CCDC158: variants seen among roughly 807,000 people sequenced by gnomAD.
CCDC158 encodes the protein coiled-coil domain containing 158, also known as coiled-coil domain-containing protein 158.
CCDC158 carries 116 observed loss-of-function variants against 138.6 expected under a neutral mutation model. The ratio of observed to expected loss-of-function variants is 0.84; its 90% CI spans 0.72 to 0.98. The LOEUF (loss-of-function observed/expected upper bound fraction) is 0.98. Among genes scored for constraint, CCDC158 ranks in the 50% least tolerant of loss-of-function variants. The pLI is 0.00. For synonymous variants in CCDC158, 436 were observed against 442.4 expected, an observed-to-expected ratio of 0.99 and a Z score of 0.18; for missense variants, 1,265 against 1,306.1, an observed-to-expected ratio of 0.97 and a Z score of 0.48.
rs559418697 is a variant in CCDC158, at chr4:76,322,271, C to G, written c.3277+1031G>C. The stretch of plus-strand genomic sequence containing the variant: ...TGGAATTTTCTTCAACAACAATTTG[C>G]TAAAGCCTTACTATATTAAAAACAT... On this transcript the variant is annotated intron_variant, in intron 24 of 24. Transcript: ENST00000682701. Among the ~76,000 whole-genome samples the G allele has an allele frequency of 1.4e-3, 206 of 152,246 alleles. 4 individuals are homozygous for G. The South Asian group carries it at 0.039, about 29-fold the overall frequency.
chr4:76,377,759 C>A (rs567327493), intron 9 of CCDC158, among the ~76,000 whole-genome samples: 1 of 152,234 alleles, frequency 6.6e-6, no homozygotes, highest in South Asian at 2.1e-4. Context: ...TAAGGTTGCT[C>A]AGAGGCGGCA....
At chr4:76,409,675 C>CA (rs1729132699) in intron 2 of CCDC158, among the ~76,000 whole-genome samples, 1 of 151,694 alleles carries the variant, frequency 6.6e-6, no homozygotes, top group Non-Finnish European at 1.5e-5. Context: ...ACTAAAAATA[C>CA]AAAAAATTAG....
chr4:76,394,850 T>C (rs1429522739), intron 4 of CCDC158, among the ~76,000 whole-genome samples: 1 of 151,884 alleles, frequency 6.6e-6, no homozygotes, highest in East Asian at 1.9e-4. Flanking sequence ...GCAGGAGTCT[T>C]TGGAAAAGAG....
intron 1 of CCDC158, among the ~76,000 whole-genome samples, chr4:76,416,611 G>A (rs1199905138): frequency 9.8e-5 from 15 of 152,308 alleles, no homozygotes; most frequent in Admixed American, 6.5e-4. Flanking sequence ...TAGGGACTTC[G>A]TGCCCTGTGT....
chr4:76,409,003 A>G (rs1235964658), intron 2 of CCDC158, among the ~76,000 whole-genome samples: 1 of 152,180 alleles, frequency 6.6e-6, no homozygotes, highest in Non-Finnish European at 1.5e-5. Context: ...GTGTCTGTTC[A>G]TATCCTTTGC....
chr4:76,369,857 T>C (rs1279564412), intron 10 of CCDC158, among the ~76,000 whole-genome samples: 2 of 152,166 alleles, frequency 1.3e-5, no homozygotes, highest in African/African-American at 4.8e-5. Flanking sequence ...TCAAATAATA[T>C]ACAATGAAAA....
chr4:76,313,097 CAG>C lies in CCDC158; in HGVS notation c.*71_*72del, dbSNP rs997151825. The C allele has an allele frequency of 4.6e-6, 4 of 861,928 alleles. No homozygotes were observed. In the African/African-American group the frequency reaches 6.9e-5, roughly 15 times the overall value. The allele number at this position is 861,928 out of a possible 1,614,324, so 53.4% of individuals were successfully genotyped here. ...TTTTCACATAAAAAGAAAAAGTACA[CAG>C]GGCACTAATTACGAGTAACACCACA... On this transcript the variant is annotated 3_prime_UTR_variant, in exon 25 of 25. Coordinates refer to ENST00000682701, the MANE Select transcript of CCDC158 (RefSeq NM_001394954.1).
chr4:76,345,269 C>T (rs1722434523), intron 18 of CCDC158: 2 of 938,958 alleles, frequency 2.1e-6, no homozygotes, highest in South Asian at 2.6e-5. Context: ...AACGATACTA[C>T]ATGCTCAACA....
rs761913201 is a variant in CCDC158, at chr4:76,383,710, G to T, written c.755C>A (p.Ser252Tyr). ...PVEDQLEALKSESQNKIELLL... is the reference protein window; with the variant it reads ...PVEDQLEALKYESQNKIELLL... ...TAGTTCTATTTTGTTCTGTGATTCAGATTTCAGTGCTTCAAGTTGATCCTC... is the reference window on the plus strand; with the variant it reads ...TAGTTCTATTTTGTTCTGTGATTCATATTTCAGTGCTTCAAGTTGATCCTC... Residue 252 changes from serine to tyrosine, a missense_variant, in exon 7 of 25, where the codon TCT becomes TAT. Physicochemically the swap from Ser to Tyr is moderately radical, Grantham distance 144. Coordinates refer to ENST00000682701, the MANE Select transcript of CCDC158 (RefSeq NM_001394954.1). The T allele has an allele frequency of 6.2e-7, 1 of 1,613,460 alleles. No homozygotes were observed. The highest frequency in any genetic ancestry group is 2.2e-5 in the East Asian group (1 of 44,844).
At chr4:76,347,473 C>T (rs572365845) in intron 18 of CCDC158, among the ~76,000 whole-genome samples, 4 of 152,144 alleles carry the variant, frequency 2.6e-5, no homozygotes, top group South Asian at 2.1e-4. Flanking sequence ...AAACAAACAC[C>T]GCATGTTCTC....
chr4:76,392,705 T>C (rs1317138972), intron 4 of CCDC158, among the ~76,000 whole-genome samples: 4 of 152,006 alleles, frequency 2.6e-5, no homozygotes, highest in African/African-American at 9.7e-5. Context: ...AATATCCTTG[T>C]TTCCAGATGA....
rs1460342691 is a variant in CCDC158 at position 76,398,984 on chromosome 4, G to A, written c.71-2498C>T. 3.0e-4 allele frequency among the ~76,000 whole-genome samples: 45 copies of A among 152,130 alleles called. 1 individual carries two copies. Among genetic ancestry groups the A allele is most frequent in the Admixed American group, 2.9e-3 (45 of 15,268 alleles). Reference sequence around the variant, plus strand: ...AGGACAACTGGAGAAATTTAAATATGAACACATTAGATAATACTGTATTGA... The same window carrying A: ...AGGACAACTGGAGAAATTTAAATATAAACACATTAGATAATACTGTATTGA... On this transcript the variant is annotated intron_variant, in intron 3 of 24. Transcript: ENST00000682701.
chr4:76,333,424 T>C (rs1010038784), intron 19 of CCDC158, among the ~76,000 whole-genome samples: 1 of 152,216 alleles, frequency 6.6e-6, no homozygotes, highest in Non-Finnish European at 1.5e-5. Context: ...TCTGAAAGAA[T>C]AGGAGACTCC....
intron 2 of CCDC158, among the ~76,000 whole-genome samples, chr4:76,409,815 A>G (rs1004579877): frequency 2.6e-5 from 4 of 152,094 alleles, no homozygotes; most frequent in African/African-American, 9.7e-5. Context: ...TGGGTGACAG[A>G]GCGAGACTGT....
intron 18 of CCDC158, among the ~76,000 whole-genome samples, chr4:76,345,995 C>G (rs907348675): frequency 2.6e-5 from 4 of 152,114 alleles, no homozygotes; most frequent in Non-Finnish European, 5.9e-5. Context: ...AACAATATAA[C>G]AAGGCTACAG....
chr4:76,331,919 A>G (rs978851133), intron 20 of CCDC158, among the ~76,000 whole-genome samples: 1 of 152,200 alleles, frequency 6.6e-6, no homozygotes, highest in East Asian at 1.9e-4. Flanking sequence ...TTTTTTGGCT[A>G]AAGTCAATTT....
intron 1 of CCDC158, among the ~76,000 whole-genome samples, chr4:76,416,563 T>G (rs1729718792): frequency 6.6e-6 from 1 of 152,132 alleles, no homozygotes; most frequent in South Asian, 2.1e-4. Context: ...AAAGTGGTTT[T>G]GTGGGCTGAG....
At chr4:76,418,892 AT>A (rs1729901574) in intron 1 of CCDC158, among the ~76,000 whole-genome samples, 1 of 152,072 alleles carries the variant, frequency 6.6e-6, no homozygotes, top group African/African-American at 2.4e-5. Flanking sequence ...TGAACACTGA[AT>A]TTTCCTGTAT....
In CCDC158 at chr4:76,317,927, T is replaced by C. The variant is rs187550559; in HGVS notation, c.3278-4681A>G. 2.8e-3 allele frequency among the ~76,000 whole-genome samples: 419 copies of C among 152,242 alleles called. 2 individuals carry two copies. The highest frequency in any genetic ancestry group is 9.1e-3 in the African/African-American group (380 of 41,554). ...AATCATCTTTGGATCAATAATGAAA[T>C]CAAGATGAAAATTTAAAAATTCTTC... On this transcript the variant is annotated intron_variant, in intron 24 of 24. Transcript: ENST00000682701.
Sources: gnomAD v4.1 joint callset for allele counts (sites outside exome capture counted in the v4.1 genomes callset) on GRCh38, gnomAD v4.1.1 for gene constraint, MANE v1.5 for transcripts, NCBI Gene and HGNC (gene_info 2026-07-23, HGNC 2026-07-21) for gene names.